TIMELESS: variants seen among roughly 807,000 people sequenced by gnomAD.
TIMELESS encodes the protein protein timeless homolog.
In TIMELESS, 124 loss-of-function variants were observed where a neutral mutation model predicts 164.3. That is an observed-to-expected ratio of 0.75 (90% CI 0.65 to 0.88). The LOEUF is 0.88. Ranked by LOEUF, TIMELESS falls within the 40% of genes least tolerant of loss-of-function variation. The pLI is 0.00. For missense variants in TIMELESS, 1,422 were observed against 1,491.4 expected, an observed-to-expected ratio of 0.95 and a Z score of 0.77; for synonymous variants, 564 against 563.4, an observed-to-expected ratio of 1.00 and a Z score of -0.02.
At chr12:56,438,489 C>T (rs931940007) in intron 1 of TIMELESS, among the ~76,000 whole-genome samples, 3 of 151,880 alleles carry the variant, frequency 2.0e-5, no homozygotes, top group Non-Finnish European at 2.9e-5. Context: ...AAAAAGGGCA[C>T]AGCCAGGTTC....
At chr12:56,436,179 C>T (rs113223446) in intron 1 of TIMELESS, among the ~76,000 whole-genome samples, 4 of 152,018 alleles carry the variant, frequency 2.6e-5, no homozygotes, top group African/African-American at 9.7e-5. Flanking sequence ...CTTGGCTGGG[C>T]GTAGTAACTC....
intron 1 of TIMELESS, among the ~76,000 whole-genome samples, chr12:56,446,859 C>T (rs1476628698): frequency 6.6e-6 from 1 of 151,770 alleles, no homozygotes; most frequent in East Asian, 1.9e-4. Context: ...CTGACTTCTC[C>T]ATACAGAAGT....
At chr12:56,448,204 G>A (rs1257354129) in intron 1 of TIMELESS, among the ~76,000 whole-genome samples, 1 of 151,944 alleles carries the variant, frequency 6.6e-6, no homozygotes, top group African/African-American at 2.4e-5. Context: ...TCAGGAGTTC[G>A]AGACCGGCCT....
chr12:56,430,753 C>T, intron 9 of TIMELESS, 128 bp downstream of exon 9: 1 of 581,556 alleles, frequency 1.7e-6, no homozygotes. Context: ...ATCCTCCTGC[C>T]TCAGCCTCCC....
intron 8 of TIMELESS, 101 bp downstream of exon 8, chr12:56,431,370 A>AACC (rs1555177636): frequency 7.5e-7 from 1 of 1,326,954 alleles, no homozygotes; most frequent in East Asian, 2.5e-5. Flanking sequence ...AAAAAAAAAA[A>AACC]AACACTAAAA....
chr12:56,438,573 A>G (rs1265473642), intron 1 of TIMELESS, among the ~76,000 whole-genome samples: 1 of 151,760 alleles, frequency 6.6e-6, no homozygotes, highest in African/African-American at 2.4e-5. Flanking sequence ...GGAGTTTAAG[A>G]CCAGTTTGGG....
chr12:56,423,799 G>C lies in TIMELESS; in HGVS notation c.1964C>G (p.Pro655Arg). The change falls in exon 16 of 29, where the codon CCC becomes CGC. Residue 655 changes from proline to arginine, a missense_variant and splice_region_variant. Physicochemically the swap from Pro to Arg is moderately radical, Grantham distance 103 (BLOSUM62 -2). Transcript: ENST00000553532. ...AGATGTGAAGGGTGGAGACTCACGGGGAAGTGGAGCAGAGAGGATTTGTTT... is the reference window on the plus strand; with the variant it reads ...AGATGTGAAGGGTGGAGACTCACGGCGAAGTGGAGCAGAGAGGATTTGTTT... ...LLKQILSAPL[P>R]RQQGPEERGA... 4 of 1,614,166 alleles carry C rather than the reference G, an allele frequency of 2.5e-6. No individual in the cohort carries two copies. Among genetic ancestry groups the C allele is most frequent in the Non-Finnish European group, 2.5e-6 (3 of 1,180,036 alleles).
At chr12:56,424,944 G>A in intron 14 of TIMELESS, 31 bp from the exon 15 acceptor site, 1 of 1,614,010 alleles carries the variant, frequency 6.2e-7, no homozygotes, top group African/African-American at 1.3e-5. Flanking sequence ...GGGAGCGGAG[G>A]GAGTGGAAAA....
intron 1 of TIMELESS, among the ~76,000 whole-genome samples, chr12:56,439,395 T>C (rs1031280142): frequency 2.0e-5 from 3 of 151,230 alleles, no homozygotes; most frequent in Non-Finnish European, 3.0e-5. Context: ...GGTTTTCTTT[T>C]TTTTTTTTTT....
rs1200258826 is a variant in TIMELESS at position 56,432,539 on chromosome 12, G to A, written c.532-15C>T. 2 of 1,611,222 alleles carry A rather than the reference G, an allele frequency of 1.2e-6. No individual in the cohort carries two copies. Among genetic ancestry groups the A allele is most frequent in the Admixed American group, 3.3e-5 (2 of 59,952 alleles). On this transcript the variant is annotated splice_polypyrimidine_tract_variant and intron_variant, in intron 6 of 28. Transcript: ENST00000553532. The stretch of plus-strand genomic sequence containing the variant: ...TCATCAATCTTCTGAGCAGTGAGTG[G>A]TGAGGGTAGAAAGGAAGCTCATTCA...
In TIMELESS at chr12:56,423,869, A is replaced by T. The variant is rs763462687; in HGVS notation, c.1894T>A (p.Phe632Ile). 1 of 1,614,210 alleles carries T rather than the reference A, an allele frequency of 6.2e-7. No individual in the cohort carries two copies. The highest frequency in any genetic ancestry group is 1.7e-5 in the Admixed American group (1 of 60,012). The change falls in exon 16 of 29, where the codon TTT (phenylalanine) becomes ATT (isoleucine). Residue 632 changes from phenylalanine (F) to isoleucine (I), a missense_variant. Coordinates refer to ENST00000553532, the MANE Select transcript of TIMELESS (RefSeq NM_003920.5). ...AREVWPEGDV[F>I]GSQDISPEEE... ...TCTGGAGAAATGTCTTGAGAGCCAA[A>T]CACATCTCCTTCAGGCCACACCTCC...
In TIMELESS at chr12:56,420,048, A is replaced by ATGTG. The variant is rs1363649039; in HGVS notation, c.3228+517_3228+520dup. ...AAAAAAAATATATATATATATATAT[A>ATGTG]TGTGTGTGTGTGTGTGTGTGTGTAT... On this transcript the variant is annotated intron_variant, in intron 26 of 28. Coordinates refer to ENST00000553532, the MANE Select transcript of TIMELESS (RefSeq NM_003920.5). Among the ~76,000 whole-genome samples the ATGTG allele has an allele frequency of 2.2e-3, 191 of 87,184 alleles. 2 individuals carry two copies. The highest frequency in any genetic ancestry group is 4.6e-3 in the African/African-American group (91 of 19,816). The allele number at this position is 87,184 out of a possible 152,430, so 57.2% of individuals were successfully genotyped here.
chr12:56,421,568 A>G (rs1881491228), intron 22 of TIMELESS, 75 bp from the exon 23 acceptor site: 1 of 1,559,066 alleles, frequency 6.4e-7, no homozygotes, highest in South Asian at 1.2e-5. Context: ...AGGTCTCTGG[A>G]AAGAGGGTAC....
chr12:56,428,212 C>T (rs1881736545), intron 13 of TIMELESS, 24 bp downstream of exon 13: 1 of 1,557,460 alleles, frequency 6.4e-7, no homozygotes, highest in African/African-American at 1.4e-5. Context: ...ACAGCTCTTT[C>T]TACATTGTGG....
chr12:56,425,247 TCA>T (rs1437508608), intron 13 of TIMELESS, 95 bp from the exon 14 acceptor site: 10 of 1,396,012 alleles, frequency 7.2e-6, no homozygotes, highest in South Asian at 1.4e-5. Context: ...AACTGGACAT[TCA>T]CAGAGTGCCC....
chr12:56,432,331 T>C, intron 7 of TIMELESS, 38 bp downstream of exon 7: 2 of 1,586,082 alleles, frequency 1.3e-6, no homozygotes, highest in Non-Finnish European at 1.7e-6. Flanking sequence ...GAAAAGTACA[T>C]GGGCGGAGGG....
At chr12:56,419,065 C>A (rs1467793869) in intron 26 of TIMELESS, among the ~76,000 whole-genome samples, 1 of 148,526 alleles carries the variant, frequency 6.7e-6, no homozygotes, top group Non-Finnish European at 1.5e-5. Flanking sequence ...CGTGGCAAAG[C>A]AATAAAGGCT....
At chr12:56,434,313 G>A (rs1050620802) in intron 1 of TIMELESS, 82 bp from the exon 2 acceptor site, 13 of 664,110 alleles carry the variant, frequency 2.0e-5, no homozygotes, top group Non-Finnish European at 3.1e-5. Context: ...CTAATGCTCA[G>A]AATATTCTGA....
At chr12:56,446,522 T>C (rs1336872653) in intron 1 of TIMELESS, among the ~76,000 whole-genome samples, 1 of 152,042 alleles carries the variant, frequency 6.6e-6, no homozygotes, top group African/African-American at 2.4e-5. Context: ...CATCCAAATA[T>C]CAGCTTAGCT....
Sources: allele counts gnomAD v4.1 joint callset (sites outside exome capture counted in the v4.1 genomes callset), GRCh38; gene constraint gnomAD v4.1.1; transcripts MANE v1.5; gene names NCBI Gene and HGNC (gene_info 2026-07-23, HGNC 2026-07-21).